Variants in NHSL1 observed in about 807,000 individuals in gnomAD.
NHSL1 encodes NHS-like protein 1.
NHSL1 carries 48 observed loss-of-function variants against 95.0 expected under a neutral mutation model. That is an observed-to-expected ratio of 0.51 (90% CI 0.40 to 0.64). The LOEUF is 0.64. Among genes scored for constraint, NHSL1 ranks in the 30% least tolerant of loss-of-function variants. The pLI is 0.00. For missense variants in NHSL1, 1,971 were observed against 2,077.7 expected (o/e 0.95, Z 1.00); for synonymous variants, 783 against 833.9 (o/e 0.94, Z 1.05).
chr6:138,612,107 C>CT lies in NHSL1; in HGVS notation c.96+80368dup, dbSNP rs1270397767. 3.5e-5 allele frequency among the ~76,000 whole-genome samples: 3 copies of CT among 86,376 alleles called. 1 individual carries two copies. The highest frequency in any genetic ancestry group is 1.4e-4 in the African/African-American group (2 of 13,894). The allele number at this position is 86,376 out of a possible 152,430, so 56.7% of individuals were successfully genotyped here. On this transcript the variant is annotated intron_variant, in intron 1 of 3. Transcript: ENST00000491526. ...CCTGAGCAACAGAGCAAGACTCCAT[C>CT]TCAAAAAAAAAAAAAAAAAAAAAGT...
chr6:138,544,953 G>A (rs1421753192), intron 1 of NHSL1, among the ~76,000 whole-genome samples: 1 of 150,884 alleles, frequency 6.6e-6, no homozygotes, highest in East Asian at 1.9e-4. Flanking sequence ...ATCCATATGT[G>A]GCCAGAACAA....
chr6:138,507,628 T>C (rs1049629959), intron 1 of NHSL1, among the ~76,000 whole-genome samples: 4 of 152,196 alleles, frequency 2.6e-5, no homozygotes, highest in African/African-American at 9.7e-5. Flanking sequence ...AATGCAGAGA[T>C]ACTGTCCACA....
Position 138,571,891 on chromosome 6 carries a change from T to C in NHSL1, c.21A>G (p.Ser7=), listed in dbSNP as rs1333638713. 9 of 1,551,386 alleles carry C rather than the reference T, an allele frequency of 5.8e-6. No homozygotes were observed. The East Asian group carries it at 1.2e-4, about 21-fold the overall frequency. Reference sequence around the variant, plus strand: ...TATTCGGCTGGAGTCTGAAGGAACCTGAAGAGCCTTCCTTTTTCATCTTCT... The same window carrying C: ...TATTCGGCTGGAGTCTGAAGGAACCCGAAGAGCCTTCCTTTTTCATCTTCT... Residue 7 remains serine (S), a synonymous_variant, in exon 1 of 7, where the codon TCA becomes TCG. Transcript: ENST00000427025.
chr6:138,493,539 A>C (rs1486339515), intron 2 of NHSL1, among the ~76,000 whole-genome samples: 4 of 152,238 alleles, frequency 2.6e-5, no homozygotes, highest in Admixed American at 2.6e-4. Flanking sequence ...AGTGATCAAA[A>C]ACAGTCGAGC....
At chr6:138,655,121 C>G (rs1180912237) in intron 1 of NHSL1, among the ~76,000 whole-genome samples, 1 of 152,180 alleles carries the variant, frequency 6.6e-6, no homozygotes, top group Non-Finnish European at 1.5e-5. Flanking sequence ...GGGAAAGAAA[C>G]TAAGAGGAAT....
Position 138,692,386 on chromosome 6 carries a change from G to C in NHSL1, c.96+90C>G, listed in dbSNP as rs1785691124. 1 of 298,360 alleles carries C rather than the reference G, an allele frequency of 3.4e-6. No individual in the cohort carries two copies. The highest frequency in any genetic ancestry group is 6.6e-6 in the Non-Finnish European group (1 of 152,016). The allele number at this position is 298,360 out of a possible 1,614,324, so 18.5% of individuals were successfully genotyped here. A position where few individuals can be genotyped will look rare whatever the true frequency, so the allele number is the denominator to read the frequency against. ...CATCGCGGGGCTCCGCGGCCCCCGC[G>C]CCGACCCAGGGCCGCCAGGGGGCGG... On this transcript the variant is annotated intron_variant, in intron 1 of 3. Transcript: ENST00000491526. This position sits in a 1 kb window ranked among gnomAD's most constrained non-coding sequence, Gnocchi z 4.0.
At chr6:138,650,974 A>G (rs2114708543) in intron 1 of NHSL1, 1 of 517,684 alleles carries the variant, frequency 1.9e-6, no homozygotes, top group Non-Finnish European at 3.9e-6. Flanking sequence ...TCCCCAGCAC[A>G]TAAGGCTTTG....
intron 1 of NHSL1, among the ~76,000 whole-genome samples, chr6:138,558,611 A>G (rs948940629): frequency 2.0e-5 from 3 of 148,010 alleles, no homozygotes; most frequent in African/African-American, 7.6e-5. Flanking sequence ...TTTAGTAGAG[A>G]CAGGGTTTCA....
chr6:138,514,984 A>G (rs1347110997), intron 1 of NHSL1, among the ~76,000 whole-genome samples: 1 of 151,860 alleles, frequency 6.6e-6, no homozygotes, highest in African/African-American at 2.4e-5. Context: ...AGGACGTAAG[A>G]TTAAAAAAAA....
At chr6:138,449,870 A>G (rs1180320334) in intron 3 of NHSL1, among the ~76,000 whole-genome samples, 1 of 152,230 alleles carries the variant, frequency 6.6e-6, no homozygotes, top group African/African-American at 2.4e-5. Context: ...TAATAAATAA[A>G]ACACATAAAA....
intron 3 of NHSL1, among the ~76,000 whole-genome samples, chr6:138,449,052 C>CAA (rs545496586): frequency 3.3e-4 from 29 of 88,182 alleles, no homozygotes; most frequent in South Asian, 8.7e-4. Context: ...AATTCTGTCT[C>CAA]AAAAAAAAAA....
upstream of NHSL1, among the ~76,000 whole-genome samples, chr6:138,504,229 T>C (rs1283559330): frequency 6.6e-6 from 1 of 152,036 alleles, no homozygotes; most frequent in Non-Finnish European, 1.5e-5. Context: ...AATGAGACCT[T>C]GTCTCTTAAA....
intron 1 of NHSL1, among the ~76,000 whole-genome samples, chr6:138,613,397 T>C (rs1234328761): frequency 1.3e-5 from 2 of 152,196 alleles, no homozygotes; most frequent in African/African-American, 4.8e-5. Context: ...GGAAACACCA[T>C]GCCTGGGTCC....
At chr6:138,600,909 G>A (rs76492500) in intron 1 of NHSL1, among the ~76,000 whole-genome samples, 5,625 of 152,224 alleles carry the variant, frequency 0.037, 128 homozygotes, top group Middle Eastern at 0.11. Context: ...ATCACTGTGT[G>A]TCAGAATACA....
chr6:138,543,481 C>A (rs1005621887), intron 1 of NHSL1, among the ~76,000 whole-genome samples: 5 of 152,206 alleles, frequency 3.3e-5, no homozygotes, highest in Admixed American at 2.0e-4. Context: ...AAAAGGAAAT[C>A]CTGCATCAAT....
At chr6:138,650,930 T>C in intron 1 of NHSL1, 1 of 538,048 alleles carries the variant, frequency 1.9e-6, no homozygotes, top group Non-Finnish European at 3.8e-6. Context: ...GTATTTGGCA[T>C]AGGTGAAGAA....
At chr6:138,620,053 T>A (rs1784634314) in intron 1 of NHSL1, among the ~76,000 whole-genome samples, 1 of 151,026 alleles carries the variant, frequency 6.6e-6, no homozygotes, top group South Asian at 2.1e-4. Flanking sequence ...ACTGTATTAA[T>A]TTTTTTTTAA....
Position 138,433,462 on chromosome 6 carries a change from A to T in NHSL1, c.883T>A (p.Ser295Thr). 1 of 1,552,262 alleles carries T rather than the reference A, an allele frequency of 6.4e-7. No homozygotes were observed. The highest frequency in any genetic ancestry group is 8.7e-7 in the Non-Finnish European group (1 of 1,147,118). The stretch of plus-strand genomic sequence containing the variant: ...ACAGACATGTTGCCAGAGGAACCTG[A>T]GAAGTGGCCCATCTGGGCAGCAATG... Reference protein sequence around the residue: ...QGIAAQMGHFSGSSGNMSVLS... With the variant: ...QGIAAQMGHFTGSSGNMSVLS... The change falls in exon 6 of 8, where the codon TCA (serine) becomes ACA (threonine). Residue 295 changes from serine (S) to threonine (T), a missense_variant. Physicochemically the swap from Ser to Thr is moderately conservative, Grantham distance 58. Transcript: ENST00000343505.
chr6:138,553,153 G>C (rs1004606892), intron 1 of NHSL1, among the ~76,000 whole-genome samples: 1 of 152,136 alleles, frequency 6.6e-6, no homozygotes, highest in African/African-American at 2.4e-5. Flanking sequence ...ATAAAGGCCT[G>C]TCTGGACTTG....
Sources: gnomAD v4.1 joint callset for allele counts (sites outside exome capture counted in the v4.1 genomes callset) on GRCh38, gnomAD v4.1.1 for gene constraint, Gnocchi (gnomAD v3.1) non-coding constraint, MANE v1.5 for transcripts, NCBI Gene and HGNC (gene_info 2026-07-23, HGNC 2026-07-21) for gene names.